TACC2: variants seen among roughly 807,000 people sequenced by gnomAD.
The protein encoded by TACC2 is transforming acidic coiled-coil-containing protein 2.
In TACC2, 137 loss-of-function variants were observed where a neutral mutation model predicts 227.3. The observed-to-expected ratio is 0.60, with a 90% CI of 0.52 to 0.69. TACC2 has a LOEUF of 0.69. TACC2 is among the 30% of genes least tolerant of loss of function. The pLI, the probability that TACC2 is intolerant of heterozygous loss-of-function variation, is 0.00. For synonymous variants in TACC2, 1,523 were observed against 1,487.5 expected, an observed-to-expected ratio of 1.02 and a Z score of -0.55; for missense variants, 3,470 against 3,694.4, an observed-to-expected ratio of 0.94 and a Z score of 1.57.
intron 1 of TACC2, among the ~76,000 whole-genome samples, chr10:122,000,925 C>T (rs1183951317): frequency 9.2e-5 from 14 of 152,190 alleles, no homozygotes; most frequent in Non-Finnish European, 1.9e-4. Flanking sequence ...TGGGCTCAAG[C>T]GATTCTCCTT....
At chr10:122,235,995 C>T (rs751865460) in intron 16 of TACC2, among the ~76,000 whole-genome samples, 14 of 152,118 alleles carry the variant, frequency 9.2e-5, no homozygotes, top group African/African-American at 1.2e-4. Flanking sequence ...CCAGGACAAC[C>T]GAAACTATAT....
chr10:122,143,831 G>A (rs2091015208), intron 7 of TACC2, 125 bp downstream of exon 7: 12 of 1,064,968 alleles, frequency 1.1e-5, no homozygotes, highest in East Asian at 2.6e-5. Context: ...ATTTGGCCCC[G>A]TGAGACCATG....
At position 122,017,505 on chromosome 10, in the gene TACC2, A is replaced by G. The variant is rs537279232; in HGVS notation, c.-45-4432A>G. 3.3e-5 allele frequency among the ~76,000 whole-genome samples: 5 copies of G among 152,200 alleles called. No homozygotes were observed. In the South Asian group the frequency reaches 8.3e-4, roughly 25 times the overall value. On this transcript the variant is annotated intron_variant, in intron 1 of 22. Transcript: ENST00000369005. The stretch of plus-strand genomic sequence containing the variant: ...CTCATTCAAGACATTTTGCCTAATA[A>G]GATTCTCCTTCTTAGAAAAATTCTT...
intron 16 of TACC2, among the ~76,000 whole-genome samples, chr10:122,237,175 T>C (rs957212544): frequency 6.6e-6 from 1 of 152,182 alleles, no homozygotes; most frequent in Non-Finnish European, 1.5e-5. Flanking sequence ...CCTCTGCCAT[T>C]AGCCCCTTTG....
In TACC2 at chr10:122,217,115, T is replaced by C. The variant is rs554246047; in HGVS notation, c.7546+287T>C. Reference sequence around the variant, plus strand: ...GTGGGTCCTGAGCGCCCACTCGAGCTTTGCCCATGGCTTATGTCCCCTCTG... The same window carrying C: ...GTGGGTCCTGAGCGCCCACTCGAGCCTTGCCCATGGCTTATGTCCCCTCTG... On this transcript the variant is annotated intron_variant, in intron 11 of 22. Coordinates refer to ENST00000369005, the MANE Select transcript of TACC2 (RefSeq NM_206862.4). 2.0e-5 allele frequency among the ~76,000 whole-genome samples: 3 copies of C among 152,238 alleles called. No homozygotes were observed. The East Asian group carries it at 5.8e-4, about 30-fold the overall frequency.
intron 1 of TACC2, among the ~76,000 whole-genome samples, chr10:122,008,264 A>ATTATTATTATTATTATTATTT: frequency 1.6e-4 from 21 of 134,664 alleles, no homozygotes; most frequent in African/African-American, 5.3e-4. Flanking sequence ...TATTATTATT[A>ATTATTATTATTATTATTATTT]TTTTTTTTTT....
intron 2 of TACC2, among the ~76,000 whole-genome samples, chr10:122,038,507 A>G (rs1252127061): frequency 2.0e-5 from 3 of 152,130 alleles, no homozygotes; most frequent in Non-Finnish European, 4.4e-5. Context: ...TGCCTTATCC[A>G]CCAGGTGGTC....
In TACC2 at chr10:122,074,648, G is replaced by C. The variant is rs1024544015; in HGVS notation, c.147-7999G>C. 3.3e-5 allele frequency among the ~76,000 whole-genome samples: 5 copies of C among 152,224 alleles called. No homozygotes were observed. In the South Asian group the frequency reaches 6.2e-4, roughly 19 times the overall value. On this transcript the variant is annotated intron_variant, in intron 3 of 22. Transcript: ENST00000369005. ...GTGGGTCAAATACAGGGATTAGAGT[G>C]CTGGAGAGAATTCTGACCATTCACA...
At chr10:122,088,380 A>T (rs1184237888) in intron 4 of TACC2, 98 bp from the exon 5 acceptor site, 17 of 1,183,296 alleles carry the variant, frequency 1.4e-5, no homozygotes, top group Non-Finnish European at 1.2e-5. Context: ...GTAGCCACTT[A>T]AAACTTTAAT....
Position 122,083,460 on chromosome 10 carries a change from C to T in TACC2, c.960C>T (p.Ala320=). The change falls in exon 4 of 23, where the codon GCC becomes GCT. Residue 320 remains alanine, a synonymous_variant. Coordinates refer to ENST00000369005, the MANE Select transcript of TACC2 (RefSeq NM_206862.4). ...TCCCTAGGAGCAATTCAGGGGCTGC[C>T]CCAGAAGCAGAAGTGAATGCCGCTT... ...CHLPRSNSGA[A]PEAEVNAASQ... is the part of the protein sequence containing the mutation. 6.2e-7 allele frequency: 1 copy of T among 1,613,374 alleles called. No homozygotes were observed. Among genetic ancestry groups the T allele is most frequent in the Non-Finnish European group, 8.5e-7 (1 of 1,180,036 alleles).
intron 1 of TACC2, among the ~76,000 whole-genome samples, chr10:122,001,987 C>T (rs1234697088): frequency 6.6e-6 from 1 of 152,184 alleles, no homozygotes. Flanking sequence ...TCTTATTCAG[C>T]CCAGGCTGCT....
In TACC2 at chr10:122,100,124, C is replaced by T. The variant is rs368278292; in HGVS notation, c.5573+11533C>T. On this transcript the variant is annotated intron_variant, in intron 5 of 22. Coordinates refer to ENST00000369005, the MANE Select transcript of TACC2 (RefSeq NM_206862.4). Reference sequence around the variant, plus strand: ...TACTAAAAATACAAAATTAGCCAAGCGTGGTGGCGTGCGCCTGTAGTCCCT... The same window carrying T: ...TACTAAAAATACAAAATTAGCCAAGTGTGGTGGCGTGCGCCTGTAGTCCCT... Among the ~76,000 whole-genome samples the T allele has an allele frequency of 4.6e-5, 7 of 152,112 alleles. No homozygotes were observed. In the East Asian group the frequency reaches 1.2e-3, roughly 26 times the overall value.
Position 122,086,136 on chromosome 10 carries a change from A to C in TACC2, c.3636A>C (p.Thr1212=), listed in dbSNP as rs2080073336. The C allele has an allele frequency of 6.2e-7, 1 of 1,613,348 alleles. No homozygotes were observed. Among genetic ancestry groups the C allele is most frequent in the African/African-American group, 1.3e-5 (1 of 74,900 alleles). Residue 1212 remains threonine, a synonymous_variant, in exon 4 of 23, where the codon ACA becomes ACC. Coordinates refer to ENST00000369005, the MANE Select transcript of TACC2 (RefSeq NM_206862.4). ...CCAGGAGCACCATGGATTTTTCTAC[A>C]CACCAGGCTGTCCCAGACCCAAAGG... ...GIPRSTMDFS[T]HQAVPDPKEL...
intron 8 of TACC2, 88 bp downstream of exon 8, chr10:122,195,264 G>A (rs2094528798): frequency 1.6e-6 from 2 of 1,262,830 alleles, no homozygotes; most frequent in Non-Finnish European, 2.2e-6. Flanking sequence ...GGGTCAGGCT[G>A]GAGGCGAGCA....
intron 22 of TACC2, among the ~76,000 whole-genome samples, chr10:122,253,206 A>C (rs114459597): frequency 6.6e-6 from 1 of 152,156 alleles, no homozygotes; most frequent in Non-Finnish European, 1.5e-5. Context: ...AAACATCCCC[A>C]GTATGCTGGA....
intron 7 of TACC2, among the ~76,000 whole-genome samples, chr10:122,167,720 ATGCCACATC>A (rs2093256506): frequency 6.6e-6 from 1 of 152,150 alleles, no homozygotes; most frequent in African/African-American, 2.4e-5. Context: ...CAGAGGTGAG[ATGCCACATC>A]TGCAAAGACT....
chr10:122,012,489 G>C (rs1956074530), intron 1 of TACC2, among the ~76,000 whole-genome samples: 1 of 150,140 alleles, frequency 6.7e-6, no homozygotes. Flanking sequence ...CTTGACCTCA[G>C]GTGATCGGCC....
chr10:122,003,314 T>A (rs1954653424), intron 1 of TACC2, among the ~76,000 whole-genome samples: 1 of 152,224 alleles, frequency 6.6e-6, no homozygotes, highest in Admixed American at 6.5e-5. Context: ...CTTTGTGCTT[T>A]TCTTAGTTTA....
intron 8 of TACC2, among the ~76,000 whole-genome samples, chr10:122,201,630 G>T (rs1300555034): frequency 6.6e-6 from 1 of 152,210 alleles, no homozygotes; most frequent in Non-Finnish European, 1.5e-5. Flanking sequence ...CGCTGGAGGG[G>T]CTTGACTGCT....
Sources: allele counts gnomAD v4.1 joint callset (sites outside exome capture counted in the v4.1 genomes callset), GRCh38; gene constraint gnomAD v4.1.1; transcripts MANE v1.5; gene names NCBI Gene and HGNC (gene_info 2026-07-23, HGNC 2026-07-21).